Variants in ARSB observed in about 807,000 individuals in gnomAD.
ARSB encodes the protein N-acetylgalactosamine-4-sulfatase.
Under a neutral mutation model 50.9 loss-of-function variants are expected in ARSB, and 41 were observed. The observed-to-expected ratio is 0.81, with a 90% confidence interval of 0.63 to 1.04. ARSB has a LOEUF of 1.04. Among genes scored for constraint, ARSB ranks in the 50% least tolerant of loss-of-function variants. The pLI is 0.00. For missense variants in ARSB, 672 were observed against 693.3 expected (o/e 0.97, Z 0.35); for synonymous variants, 269 against 284.8 (o/e 0.94, Z 0.56).
intron 3 of ARSB, among the ~76,000 whole-genome samples, chr5:78,961,626 A>G (rs945197245): frequency 6.6e-6 from 1 of 152,166 alleles, no homozygotes; most frequent in African/African-American, 2.4e-5. Flanking sequence ...GCTTCCTCTT[A>G]TCTGCTTAAT....
intron 4 of ARSB, among the ~76,000 whole-genome samples, chr5:78,906,285 G>C (rs1749063662): frequency 6.6e-6 from 1 of 152,012 alleles, no homozygotes; most frequent in African/African-American, 2.4e-5. Context: ...GTGAGCTATG[G>C]TTACACCACT....
At position 78,885,603 on chromosome 5, in the gene ARSB, C is replaced by T. The variant is rs200040980; in HGVS notation, c.1123G>A (p.Asp375Asn). 473 of 1,613,954 alleles carry T rather than the reference C, an allele frequency of 2.9e-4. No homozygotes were observed. The highest frequency in any genetic ancestry group is 3.5e-4 in the Non-Finnish European group (411 of 1,180,018). ...AGGTACCTGATGGTTTTCCACACGT[C>T]GAAGCCATCCAGAGGCTTTGTGCCA... ...TNGTKPLDGF[D>N]VWKTISEGSP... Residue 375 changes from aspartate to asparagine, a missense_variant, in exon 5 of 8, where the codon GAC becomes AAC. Transcript: ENST00000264914.
intron 1 of ARSB, among the ~76,000 whole-genome samples, chr5:78,983,148 A>G (rs939973426): frequency 3.3e-5 from 5 of 151,974 alleles, no homozygotes; most frequent in African/African-American, 1.2e-4. Context: ...CTGCCTCCCG[A>G]GTTCAAGCGA....
In ARSB at chr5:78,815,507, A is replaced by G. The variant is rs1434532233; in HGVS notation, c.1213+23849T>C. 3 of 980,106 alleles carry G rather than the reference A, an allele frequency of 3.1e-6. No individual in the cohort carries two copies. In the African/African-American group the frequency reaches 5.3e-5, roughly 17 times the overall value. 60.7% of individuals were successfully genotyped at this position (980,106 alleles called of 1,614,324 possible). On this transcript the variant is annotated intron_variant, in intron 6 of 7. Coordinates refer to ENST00000264914, the MANE Select transcript of ARSB (RefSeq NM_000046.5). ...CAGGCTGTGCCCCTGTGCAGTTAGC[A>G]ACCTGTGAAACTGTATGTGGCAGCC...
At chr5:78,825,918 C>A (rs1233571808) in intron 6 of ARSB, among the ~76,000 whole-genome samples, 1 of 152,194 alleles carries the variant, frequency 6.6e-6, no homozygotes, top group East Asian at 1.9e-4. Flanking sequence ...TAAGCCAAAT[C>A]TAAGCTTTCT....
At chr5:78,825,728 A>G (rs780953489) in intron 6 of ARSB, among the ~76,000 whole-genome samples, 2 of 152,232 alleles carry the variant, frequency 1.3e-5, no homozygotes, top group Non-Finnish European at 2.9e-5. Context: ...AAAGAAGCTA[A>G]AAGTCAGCTA....
At chr5:78,788,616 A>G (rs1427280219) in intron 6 of ARSB, among the ~76,000 whole-genome samples, 2 of 152,112 alleles carry the variant, frequency 1.3e-5, no homozygotes, top group East Asian at 3.8e-4. Context: ...TTTTTGAGAT[A>G]AGGTCTTACA....
At chr5:78,828,004 T>C (rs1307248227) in intron 6 of ARSB, among the ~76,000 whole-genome samples, 2 of 152,156 alleles carry the variant, frequency 1.3e-5, no homozygotes, top group Admixed American at 1.3e-4. Flanking sequence ...GGGACTTTCC[T>C]GTGGACAACA....
intron 4 of ARSB, among the ~76,000 whole-genome samples, chr5:78,901,219 A>C (rs1450245827): frequency 6.6e-6 from 1 of 152,118 alleles, no homozygotes; most frequent in Non-Finnish European, 1.5e-5. Context: ...AGAAACCTTA[A>C]TTTGGTCTGC....
At chr5:78,809,831 A>G (rs1743742152) in intron 6 of ARSB, among the ~76,000 whole-genome samples, 1 of 152,192 alleles carries the variant, frequency 6.6e-6, no homozygotes. Flanking sequence ...GCCTGCTGAC[A>G]TGCTTCTCAA....
chr5:78,820,643 G>A (rs1394729635), intron 6 of ARSB, among the ~76,000 whole-genome samples: 1 of 152,148 alleles, frequency 6.6e-6, no homozygotes, highest in South Asian at 2.1e-4. Context: ...GCAGTTAAAA[G>A]AATAAAGTAG....
chr5:78,834,613 A>G lies in ARSB; in HGVS notation c.1213+4743T>C, dbSNP rs866084587. ...TTTCATGGTATATATATGTGTATAT[A>G]TATATATATATATATATATATATAT... is the stretch of plus-strand genomic sequence containing the variant. On this transcript the variant is annotated intron_variant, in intron 6 of 7. Transcript: ENST00000264914. Among the ~76,000 whole-genome samples the G allele has an allele frequency of 3.4e-3, 380 of 112,550 alleles. 7 individuals are homozygous for G. Among genetic ancestry groups the G allele is most frequent in the South Asian group, 8.7e-3 (29 of 3,316 alleles). The allele number at this position is 112,550 out of a possible 152,430, so 73.8% of individuals were successfully genotyped here. A position where few individuals can be genotyped will look rare whatever the true frequency, so the allele number is the denominator to read the frequency against.
intron 6 of ARSB, among the ~76,000 whole-genome samples, chr5:78,811,787 T>C (rs568997418): frequency 1.3e-5 from 2 of 152,206 alleles, no homozygotes; most frequent in Admixed American, 6.5e-5. Context: ...TCAGGAACTA[T>C]AGATCGTGTG....
chr5:78,913,300 G>GT (rs1749391559), intron 4 of ARSB, among the ~76,000 whole-genome samples: 2 of 151,736 alleles, frequency 1.3e-5, no homozygotes, highest in African/African-American at 4.8e-5. Context: ...AATTTTTTGT[G>GT]TTTTTAGTAG....
chr5:78,976,411 C>T (rs1008499591), intron 1 of ARSB, among the ~76,000 whole-genome samples: 2 of 151,568 alleles, frequency 1.3e-5, no homozygotes, highest in South Asian at 2.1e-4. Context: ...CATCTACCCC[C>T]CTGCCCCCGG....
At chr5:78,980,128 G>A (rs574095795) in intron 1 of ARSB, among the ~76,000 whole-genome samples, 37 of 152,304 alleles carry the variant, frequency 2.4e-4, no homozygotes, top group African/African-American at 8.4e-4. Context: ...TAATAGTTGA[G>A]TGGTTTCTTT....
intron 5 of ARSB, among the ~76,000 whole-genome samples, chr5:78,850,269 G>A (rs1388938644): frequency 1.3e-5 from 2 of 152,338 alleles, no homozygotes; most frequent in East Asian, 1.9e-4. Context: ...TTAGCATGAA[G>A]TGTTGTTGAG....
intron 6 of ARSB, among the ~76,000 whole-genome samples, chr5:78,833,985 A>G (rs11742709): frequency 0.2 from 30,762 of 152,174 alleles, 3,888 homozygotes; most frequent in Non-Finnish European, 0.27. Context: ...TAAAAGGAGT[A>G]TAAGTGGCCA....
chr5:78,837,911 G>C (rs1210965680), intron 6 of ARSB, among the ~76,000 whole-genome samples: 1 of 152,140 alleles, frequency 6.6e-6, no homozygotes, highest in Non-Finnish European at 1.5e-5. Flanking sequence ...TACTCCAAAA[G>C]AAATAGAAAT....
Sources: gnomAD v4.1 joint callset for allele counts (sites outside exome capture counted in the v4.1 genomes callset) on GRCh38, gnomAD v4.1.1 for gene constraint, MANE v1.5 for transcripts, NCBI Gene and HGNC (gene_info 2026-07-23, HGNC 2026-07-21) for gene names.